The following VN1R2 variants were observed in gnomAD, a reference collection of about 807,000 sequenced individuals.
The protein encoded by VN1R2 is vomeronasal type-1 receptor 2.
For missense variants in VN1R2, 418 were observed against 452.4 expected, an observed-to-expected ratio of 0.92 and a Z score of 0.69; for synonymous variants, 160 against 173.1, an observed-to-expected ratio of 0.92 and a Z score of 0.59.
In VN1R2 at chr19:53,258,919, C is replaced by T. The variant is rs1199450608; in HGVS notation, c.544C>T (p.Leu182Phe). 6.2e-7 allele frequency: 1 copy of T among 1,614,168 alleles called. No individual in the cohort carries two copies. The highest frequency in any genetic ancestry group is 1.7e-5 in the Admixed American group (1 of 60,008). The change falls in exon 1 of 1, where the codon CTC becomes TTC. Residue 182 changes from leucine (L) to phenylalanine (F), a missense_variant. Transcript: ENST00000341702. ...GGGTGTGTCCATTGGAAGCACCTGC[C>T]TCTTGAGTGTCTTCCAGGTGATCAC... ...GRGVSIGSTC[L>F]LSVFQVITIN...
Position 53,258,438 on chromosome 19 carries a change from G to T in VN1R2, c.63G>T (p.Trp21Cys). 1.3e-6 allele frequency: 1 copy of T among 787,230 alleles called. No individual in the cohort carries two copies. Among genetic ancestry groups the T allele is most frequent in the Non-Finnish European group, 2.2e-6 (1 of 450,280 alleles). 48.8% of individuals were successfully genotyped at this position (787,230 alleles called of 1,614,324 possible). A position where few individuals can be genotyped will look rare whatever the true frequency, so the allele number is the denominator to read the frequency against. ...ALYPINISAA[W>C]HLGPLPVSCF... The stretch of plus-strand genomic sequence containing the variant: ...ATCCAATAAATATCAGCGCAGCCTG[G>T]CATTTGGGGCCACTACCAGTCTCCT... Residue 21 changes from tryptophan to cysteine, a missense_variant, in exon 1 of 1, where the codon TGG (tryptophan) becomes TGT (cysteine). Transcript: ENST00000341702.
In VN1R2 at chr19:53,258,700, T is replaced by C. The variant is rs370261729; in HGVS notation, c.325T>C (p.Tyr109His). Residue 109 changes from tyrosine to histidine, a missense_variant, in exon 1 of 1, where the codon TAT (tyrosine) becomes CAT (histidine). Physicochemically the swap from Tyr to His is moderately conservative, Grantham distance 83. Coordinates refer to ENST00000341702, the MANE Select transcript of VN1R2 (RefSeq NM_173856.2). Reference sequence around the variant, plus strand: ...AATCCTGGGGAATTTTTCACTCTTATATTATTATATGTTCCTTTACTTTAG... The same window carrying C: ...AATCCTGGGGAATTTTTCACTCTTACATTATTATATGTTCCTTTACTTTAG... ...VGILGNFSLL[Y>H]YYMFLYFRGY... 5.0e-6 allele frequency: 8 copies of C among 1,614,022 alleles called. No homozygotes were observed. The highest frequency in any genetic ancestry group is 1.1e-5 in the South Asian group (1 of 91,080).
rs773919141 is a variant in VN1R2 at position 53,258,831 on chromosome 19, G to A, written c.456G>A (p.Gly152=). 3 of 1,614,032 alleles carry A rather than the reference G, an allele frequency of 1.9e-6. No individual in the cohort carries two copies. Among genetic ancestry groups the A allele is most frequent in the Non-Finnish European group, 2.5e-6 (3 of 1,180,034 alleles). Residue 152 remains glycine, a synonymous_variant, in exon 1 of 1, where the codon GGG becomes GGA. Coordinates refer to ENST00000341702, the MANE Select transcript of VN1R2 (RefSeq NM_173856.2). ...KRIPETMATF[G]LKHFDNYFGC... ...TCCCAGAGACCATGGCAACTTTTGG[G>A]TTGAAACATTTTGACAATTATTTTG... is the stretch of plus-strand genomic sequence containing the variant.
In VN1R2 at chr19:53,259,439, T is replaced by A; in HGVS notation, c.1064T>A (p.Ile355Asn). 6.2e-7 allele frequency: 1 copy of A among 1,614,226 alleles called. No homozygotes were observed. The highest frequency in any genetic ancestry group is 8.5e-7 in the Non-Finnish European group (1 of 1,180,026). ...SWWLVNTAAL[I>N]IACFPTISPF... ...TGGCTAGTGAACACTGCTGCACTAA[T>A]CATTGCCTGTTTTCCAACTATTAGC... The change falls in exon 1 of 1, where the codon ATC becomes AAC. Residue 355 changes from isoleucine (I) to asparagine (N), a missense_variant. Coordinates refer to ENST00000341702, the MANE Select transcript of VN1R2 (RefSeq NM_173856.2).
In VN1R2 at chr19:53,259,158, A is replaced by G. The variant is rs775822329; in HGVS notation, c.783A>G (p.Val261=). 3 of 1,614,056 alleles carry G rather than the reference A, an allele frequency of 1.9e-6. No homozygotes were observed. Among genetic ancestry groups the G allele is most frequent in the Non-Finnish European group, 2.5e-6 (3 of 1,180,024 alleles). Residue 261 remains valine, a synonymous_variant, in exon 1 of 1, where the codon GTA becomes GTG. Coordinates refer to ENST00000341702, the MANE Select transcript of VN1R2 (RefSeq NM_173856.2). ...APLSDEVTKS[V]YAALTSFHDV... is the part of the protein sequence containing the mutation. ...TTAGTGATGAAGTCACAAAGTCAGT[A>G]TATGCAGCATTGACATCCTTCCATG... is the stretch of plus-strand genomic sequence containing the variant.
Position 53,259,545 on chromosome 19 carries a change from T to G in VN1R2, c.1170T>G (p.His390Gln), listed in dbSNP as rs1179021640. ...GCAGAAGAAATAGACGATTCTTTCA[T>G]GATTTCAGGAAAATGTGAATTGGCT... is the stretch of plus-strand genomic sequence containing the variant. ...ICCRRNRRFF[H>Q]DFRKM is the part of the protein sequence containing the mutation. Residue 390 changes from histidine (H) to glutamine (Q), a missense_variant, in exon 1 of 1, where the codon CAT becomes CAG. Physicochemically the swap from His to Gln is conservative, Grantham distance 24 (BLOSUM62 0). Transcript: ENST00000341702. 4.3e-5 allele frequency: 69 copies of G among 1,610,164 alleles called. No homozygotes were observed. Among genetic ancestry groups the G allele is most frequent in the Non-Finnish European group, 5.7e-5 (67 of 1,177,726 alleles).
In VN1R2 at chr19:53,259,293, C is replaced by A. The variant is rs773272018; in HGVS notation, c.918C>A (p.Asn306Lys). Reference sequence around the variant, plus strand: ...TCTGTAGGAACAATCTCTACCCCAACTCTTCTCCTGGGAACAGAGCCATCC... The same window carrying A: ...TCTGTAGGAACAATCTCTACCCCAAATCTTCTCCTGGGAACAGAGCCATCC... ...QHICRNNLYP[N>K]SSPGNRAIQS... Residue 306 changes from asparagine (N) to lysine (K), a missense_variant, in exon 1 of 1, where the codon AAC becomes AAA. Asn to Lys is a moderately conservative substitution (Grantham distance 94). Coordinates refer to ENST00000341702, the MANE Select transcript of VN1R2 (RefSeq NM_173856.2). The A allele has an allele frequency of 6.2e-7, 1 of 1,614,208 alleles. No individual in the cohort carries two copies. Among genetic ancestry groups the A allele is most frequent in the East Asian group, 2.2e-5 (1 of 44,892 alleles).
In VN1R2 at chr19:53,258,978, G is replaced by T; in HGVS notation, c.603G>T (p.Met201Ile). The part of the protein sequence containing the change: ...INPRNSRWAE[M>I]KVKAPTYIGL... ...CTAGGAACTCCAGGTGGGCAGAGATGAAAGTAAAAGCCCCGACATACATTG... is the reference window on the plus strand; with the variant it reads ...CTAGGAACTCCAGGTGGGCAGAGATTAAAGTAAAAGCCCCGACATACATTG... The change falls in exon 1 of 1, where the codon ATG becomes ATT. Residue 201 changes from methionine (M) to isoleucine (I), a missense_variant. Transcript: ENST00000341702. 1 of 1,614,172 alleles carries T rather than the reference G, an allele frequency of 6.2e-7. No homozygotes were observed. The highest frequency in any genetic ancestry group is 8.5e-7 in the Non-Finnish European group (1 of 1,180,032).
rs747417528 is a variant in VN1R2, at chr19:53,259,160, A to T, written c.785A>T (p.Tyr262Phe). 3.7e-6 allele frequency: 6 copies of T among 1,614,200 alleles called. No homozygotes were observed. The South Asian group carries it at 6.6e-5, about 18-fold the overall frequency. Residue 262 changes from tyrosine (Y) to phenylalanine (F), a missense_variant, in exon 1 of 1, where the codon TAT becomes TTT. Physicochemically the swap from Tyr to Phe is conservative, Grantham distance 22. Transcript: ENST00000341702. ...AGTGATGAAGTCACAAAGTCAGTAT[A>T]TGCAGCATTGACATCCTTCCATGAT... ...PLSDEVTKSV[Y>F]AALTSFHDVL... is the part of the protein sequence containing the mutation.
At position 53,258,987 on chromosome 19, in the gene VN1R2, A is replaced by T. The variant is rs757289820; in HGVS notation, c.612A>T (p.Lys204Asn). ...RNSRWAEMKVKAPTYIGLSNI... is the reference protein window; with the variant it reads ...RNSRWAEMKVNAPTYIGLSNI... Reference sequence around the variant, plus strand: ...CCAGGTGGGCAGAGATGAAAGTAAAAGCCCCGACATACATTGGTCTCTCCA... The same window carrying T: ...CCAGGTGGGCAGAGATGAAAGTAAATGCCCCGACATACATTGGTCTCTCCA... Residue 204 changes from lysine to asparagine, a missense_variant, in exon 1 of 1, where the codon AAA becomes AAT. Physicochemically the swap from Lys to Asn is moderately conservative, Grantham distance 94. Coordinates refer to ENST00000341702, the MANE Select transcript of VN1R2 (RefSeq NM_173856.2). 4 of 1,614,046 alleles carry T rather than the reference A, an allele frequency of 2.5e-6. No individual in the cohort carries two copies. The highest frequency in any genetic ancestry group is 3.4e-6 in the Non-Finnish European group (4 of 1,180,030).
In VN1R2 at chr19:53,258,918, C is replaced by T; in HGVS notation, c.543C>T (p.Cys181=). The T allele has an allele frequency of 6.2e-7, 1 of 1,614,114 alleles. No individual in the cohort carries two copies. Among genetic ancestry groups the T allele is most frequent in the African/African-American group, 1.3e-5 (1 of 74,998 alleles). ...VGRGVSIGST[C]LLSVFQVITI... The stretch of plus-strand genomic sequence containing the variant: ...GGGGTGTGTCCATTGGAAGCACCTG[C>T]CTCTTGAGTGTCTTCCAGGTGATCA... Residue 181 remains cysteine, a synonymous_variant, in exon 1 of 1, where the codon TGC becomes TGT. Transcript: ENST00000341702.
Position 53,258,519 on chromosome 19 carries a change from C to T in VN1R2, c.144C>T (p.Leu48=). Residue 48 remains leucine (L), a synonymous_variant, in exon 1 of 1, where the codon CTC becomes CTT. Coordinates refer to ENST00000341702, the MANE Select transcript of VN1R2 (RefSeq NM_173856.2). The part of the protein sequence containing the change: ...CSLAFGATTG[L]RVLVVVVPQT... ...TGGCATTCGGGGCCACTACCGGTCT[C>T]CGCGTCTTGGTGGTAGTGGTCCCCC... 2 of 1,468,420 alleles carry T rather than the reference C, an allele frequency of 1.4e-6. No individual in the cohort carries two copies. Among genetic ancestry groups the T allele is most frequent in the East Asian group, 2.5e-5 (1 of 40,506 alleles). The allele number at this position is 1,468,420 out of a possible 1,614,324, so 91.0% of individuals were successfully genotyped here.
At position 53,258,808 on chromosome 19, in the gene VN1R2, C is replaced by A. The variant is rs1401741162; in HGVS notation, c.433C>A (p.Pro145Thr). The A allele has an allele frequency of 6.2e-7, 1 of 1,614,166 alleles. No homozygotes were observed. ...CTTGGTTATCCTATCTAAAAGAATCCCAGAGACCATGGCAACTTTTGGGTT... is the reference window on the plus strand; with the variant it reads ...CTTGGTTATCCTATCTAAAAGAATCACAGAGACCATGGCAACTTTTGGGTT... ...DSLVILSKRI[P>T]ETMATFGLKH... is the part of the protein sequence containing the mutation. The change falls in exon 1 of 1, where the codon CCA (proline) becomes ACA (threonine). Residue 145 changes from proline (P) to threonine (T), a missense_variant. Pro to Thr is a conservative substitution (Grantham distance 38). Transcript: ENST00000341702.
chr19:53,259,380 C>T lies in VN1R2; in HGVS notation c.1005C>T (p.Tyr335=), dbSNP rs201104873. ...GTTACGCCCTTTCCTTCATCACCTA[C>T]GTTTATTTAGCTCTCTTCGATAATT... is the stretch of plus-strand genomic sequence containing the variant. ...ALCYALSFIT[Y]VYLALFDNSS... Residue 335 remains tyrosine (Y), a synonymous_variant, in exon 1 of 1, where the codon TAC becomes TAT. Coordinates refer to ENST00000341702, the MANE Select transcript of VN1R2 (RefSeq NM_173856.2). The T allele has an allele frequency of 4.2e-4, 680 of 1,614,212 alleles. 9 individuals carry two copies. The Middle Eastern group carries it at 0.016, about 38-fold the overall frequency.
In VN1R2 at chr19:53,259,359, C is replaced by T. The variant is rs758880285; in HGVS notation, c.984C>T (p.Tyr328=). ...TGGTGAGCACCTTTGCATTATGTTA[C>T]GCCCTTTCCTTCATCACCTACGTTT... The part of the protein sequence containing the change: ...LALVSTFALC[Y]ALSFITYVYL... The change falls in exon 1 of 1, where the codon TAC becomes TAT. Residue 328 remains tyrosine (Y), a synonymous_variant. Coordinates refer to ENST00000341702, the MANE Select transcript of VN1R2 (RefSeq NM_173856.2). 4.9e-5 allele frequency: 79 copies of T among 1,614,064 alleles called. No individual in the cohort carries two copies. The highest frequency in any genetic ancestry group is 6.2e-5 in the Non-Finnish European group (73 of 1,180,054).
rs1226662077 is a variant in VN1R2 at position 53,259,065 on chromosome 19, T to C, written c.690T>C (p.Tyr230=). ...HMLVNAIFPI[Y]TTGKWSNNNI... ...TGGTAAATGCCATTTTTCCTATTTA[T>C]ACAACTGGCAAATGGAGCAACAACA... Residue 230 remains tyrosine, a synonymous_variant, in exon 1 of 1, where the codon TAT becomes TAC. Coordinates refer to ENST00000341702, the MANE Select transcript of VN1R2 (RefSeq NM_173856.2). 6.2e-7 allele frequency: 1 copy of C among 1,614,044 alleles called. No individual in the cohort carries two copies. Among genetic ancestry groups the C allele is most frequent in the Admixed American group, 1.7e-5 (1 of 60,000 alleles).
At chr19:53,259,101 GA>G (rs1357543181), upstream of VN1R2, 2 of 1,614,150 alleles carry the variant, frequency 1.2e-6, no homozygotes, top group Non-Finnish European at 1.7e-6. Context: ...ACATCACAAA[GA>G]AAGGAGATTT....
chr19:53,259,516 T>C lies in VN1R2; in HGVS notation c.1141T>C (p.Cys381Arg), dbSNP rs377611666. The C allele has an allele frequency of 6.2e-6, 10 of 1,613,168 alleles. No individual in the cohort carries two copies. The African/African-American group carries it at 1.3e-4, about 22-fold the overall frequency. Reference sequence around the variant, plus strand: ...CAGCAGATCCAGGCTCTGCAGTATCTGCTGCAGAAGAAATAGACGATTCTT... The same window carrying C: ...CAGCAGATCCAGGCTCTGCAGTATCCGCTGCAGAAGAAATAGACGATTCTT... ...DPSRSRLCSI[C>R]CRRNRRFFHD... The change falls in exon 1 of 1, where the codon TGC becomes CGC. Residue 381 changes from cysteine to arginine, a missense_variant. Coordinates refer to ENST00000341702, the MANE Select transcript of VN1R2 (RefSeq NM_173856.2).
At position 53,258,666 on chromosome 19, in the gene VN1R2, AGTT is replaced by A. The variant is rs758197505; in HGVS notation, c.296_298del (p.Val99del). ...GGCTGGACCCTACACTATTCCAGGT[AGTT>A]GTTGGAATCCTGGGGAATTTTTCAC... On this transcript the variant is annotated inframe_deletion, in exon 1 of 1. Transcript: ENST00000341702. The A allele has an allele frequency of 7.4e-6, 12 of 1,613,780 alleles. No individual in the cohort carries two copies. Among genetic ancestry groups the A allele is most frequent in the African/African-American group, 1.3e-5 (1 of 74,888 alleles).
Sources: allele counts gnomAD v4.1 joint callset, GRCh38; gene constraint gnomAD v4.1.1; transcripts MANE v1.5; gene names NCBI Gene and HGNC (gene_info 2026-07-23, HGNC 2026-07-21).